PCDH11X: variants seen among roughly 807,000 people sequenced by gnomAD.
PCDH11X encodes protocadherin-11 X-linked.
Under a neutral mutation model 53.3 loss-of-function variants are expected in PCDH11X, and 18 were observed. The observed-to-expected ratio is 0.34, with a 90% CI of 0.23 to 0.50. PCDH11X has a LOEUF of 0.50. Among genes scored for constraint, PCDH11X ranks in the 20% least tolerant of loss-of-function variants. The pLI is 0.98. For missense variants in PCDH11X, 570 were observed against 1,032.4 expected, an observed-to-expected ratio of 0.55 and a Z score of 6.14; for synonymous variants, 279 against 393.3, an observed-to-expected ratio of 0.71 and a Z score of 3.44.
At chrX:92,042,226 A>T (rs2148032733) in intron 6 of PCDH11X, among the ~76,000 whole-genome samples, 1 of 111,021 alleles carries the variant, frequency 9.0e-6, no homozygotes, top group Non-Finnish European at 1.9e-5. Flanking sequence ...TTATATTATT[A>T]AATTAAAATA....
chrX:92,052,105 A>G (rs768097915), intron 6 of PCDH11X, among the ~76,000 whole-genome samples: 39 of 111,620 alleles, frequency 3.5e-4, no homozygotes, highest in African/African-American at 1.2e-3. Flanking sequence ...ACAGCAACTC[A>G]GAGGAGTTGG....
intron 10 of PCDH11X, among the ~76,000 whole-genome samples, chrX:92,559,199 G>T (rs1186355272): frequency 9.1e-6 from 1 of 110,309 alleles, no homozygotes; most frequent in Non-Finnish European, 1.9e-5. Flanking sequence ...CATGTGTATT[G>T]AGATGAGTGC....
At chrX:92,485,235 A>T (rs1477028786) in intron 10 of PCDH11X, among the ~76,000 whole-genome samples, 2 of 111,054 alleles carry the variant, frequency 1.8e-5, no homozygotes, top group Non-Finnish European at 1.9e-5. Flanking sequence ...ATTTAAAAAG[A>T]TGTCTAACAT....
chrX:91,943,519 A>G (rs1302593885), intron 6 of PCDH11X, among the ~76,000 whole-genome samples: 1 of 110,298 alleles, frequency 9.1e-6, no homozygotes. Flanking sequence ...CAAATATAAG[A>G]AAAATATTTG....
At chrX:92,046,421 G>A (rs1215566507) in intron 6 of PCDH11X, among the ~76,000 whole-genome samples, 5 of 111,303 alleles carry the variant, frequency 4.5e-5, no homozygotes, top group African/African-American at 6.5e-5. Flanking sequence ...TCTACCAAAC[G>A]CAAAATTATA....
chrX:92,452,492 TATATATG>T lies in PCDH11X; in HGVS notation c.3344-15806_3344-15800del, dbSNP rs1378296190. 2.0e-4 allele frequency among the ~76,000 whole-genome samples: 10 copies of T among 50,582 alleles called. 1 individual carries two copies. Among genetic ancestry groups the T allele is most frequent in the Admixed American group, 1.4e-3 (7 of 4,858 alleles). 43.9% of individuals were successfully genotyped at this position (50,582 alleles called of 115,157 possible). A position where few individuals can be genotyped will look rare whatever the true frequency, so the allele number is the denominator to read the frequency against. On this transcript the variant is annotated intron_variant, in intron 9 of 10. Transcript: ENST00000682573. ...ATATATATATATATATATATATATA[TATATATG>T]TTTTTTTTTTTTTTTTTGAGATGGA...
intron 7 of PCDH11X, among the ~76,000 whole-genome samples, chrX:92,215,492 G>A (rs1160321303): frequency 1.5e-5 from 1 of 67,279 alleles, no homozygotes; most frequent in African/African-American, 5.1e-5. Flanking sequence ...TGGCAGCGAG[G>A]CTGGGGGAGG....
At chrX:91,936,694 G>T (rs929728877) in intron 6 of PCDH11X, among the ~76,000 whole-genome samples, 64 of 105,645 alleles carry the variant, frequency 6.1e-4, no homozygotes, top group Admixed American at 4.1e-4. Context: ...TCCTGAAAGG[G>T]ATTATTTAAG....
At chrX:91,900,126 C>G (rs920171054) in intron 6 of PCDH11X, among the ~76,000 whole-genome samples, 2 of 110,204 alleles carry the variant, frequency 1.8e-5, no homozygotes, top group African/African-American at 6.6e-5. Flanking sequence ...CATACTATTC[C>G]CTACCTCCAT....
intron 6 of PCDH11X, among the ~76,000 whole-genome samples, chrX:92,027,994 CT>C (rs1226728742): frequency 9.3e-6 from 1 of 107,063 alleles, no homozygotes; most frequent in Non-Finnish European, 1.9e-5. Flanking sequence ...ATACTGTGAA[CT>C]TTTTAATTAA....
intron 8 of PCDH11X, among the ~76,000 whole-genome samples, chrX:92,301,878 TCAA>T (rs1330821436): frequency 9.1e-6 from 1 of 110,325 alleles, no homozygotes; most frequent in African/African-American, 3.3e-5. Flanking sequence ...TTGGTAGAAT[TCAA>T]CAGTGAAACT....
intron 6 of PCDH11X, among the ~76,000 whole-genome samples, chrX:92,094,558 T>C (rs1282239872): frequency 9.0e-6 from 1 of 111,216 alleles, no homozygotes; most frequent in Non-Finnish European, 1.9e-5. Context: ...AAAATCAGGG[T>C]GTAGAAAAAT....
intron 10 of PCDH11X, among the ~76,000 whole-genome samples, chrX:92,506,216 C>CTTTTTTTTTTTTTTTTTTTTTTTTTTTT (rs1180678297): frequency 5.0e-5 from 2 of 40,205 alleles, no homozygotes; most frequent in Admixed American, 4.1e-4. Context: ...CTTTTCTTTT[C>CTTTTTTTTTTTTTTTTTTTTTTTTTTTT]TTTTTTTTTT....
chrX:92,079,829 G>A (rs1455192177), intron 6 of PCDH11X, among the ~76,000 whole-genome samples: 1 of 111,652 alleles, frequency 9.0e-6, no homozygotes, highest in African/African-American at 3.3e-5. Flanking sequence ...CTTGTTACAT[G>A]AATTGATGGT....
At chrX:92,324,445 T>C (rs866331901) in intron 8 of PCDH11X, among the ~76,000 whole-genome samples, 2 of 111,903 alleles carry the variant, frequency 1.8e-5, no homozygotes, top group African/African-American at 3.2e-5. Flanking sequence ...CCTTCACTTA[T>C]AGCTTTAGAG....
intron 6 of PCDH11X, among the ~76,000 whole-genome samples, chrX:92,099,788 T>A (rs1358547660): frequency 9.0e-6 from 1 of 111,291 alleles, no homozygotes; most frequent in African/African-American, 3.3e-5. Context: ...ATTCTGCTTG[T>A]ATTTATATGC....
intron 7 of PCDH11X, among the ~76,000 whole-genome samples, chrX:92,250,424 G>A (rs988198751): frequency 7.3e-5 from 8 of 109,164 alleles, no homozygotes; most frequent in African/African-American, 2.7e-4. Flanking sequence ...ATCATATGAC[G>A]GAGCAATTCC....
intron 10 of PCDH11X, among the ~76,000 whole-genome samples, chrX:92,577,939 G>T (rs1358362489): frequency 9.3e-6 from 1 of 107,993 alleles, no homozygotes; most frequent in African/African-American, 3.4e-5. Context: ...ACTTGCTGAG[G>T]AGTATTTTAC....
chrX:92,114,005 G>A, intron 6 of PCDH11X: 1 of 1,207,597 alleles, frequency 8.3e-7, no homozygotes, highest in Non-Finnish European at 1.1e-6. Context: ...ACGATGATGT[G>A]GGGAGCTTCC....
Sources: allele counts gnomAD v4.1 joint callset (sites outside exome capture counted in the v4.1 genomes callset), GRCh38; gene constraint gnomAD v4.1.1; transcripts MANE v1.5; gene names NCBI Gene and HGNC (gene_info 2026-07-23, HGNC 2026-07-21).